The following EPB41L4A variants were observed in gnomAD, a reference collection of about 807,000 sequenced individuals.
EPB41L4A encodes band 4.1-like protein 4A.
In EPB41L4A, 100 loss-of-function variants were observed where a neutral mutation model predicts 108.6. The ratio of observed to expected loss-of-function variants is 0.92; its 90% CI spans 0.78 to 1.09. The LOEUF (loss-of-function observed/expected upper bound fraction) is 1.09. Ranked by LOEUF, EPB41L4A falls within the 50% of genes least tolerant of loss-of-function variation. EPB41L4A has a pLI of 0.00. For synonymous variants in EPB41L4A, 319 were observed against 289.0 expected (o/e 1.10, Z -1.05); for missense variants, 1,030 against 842.7 (o/e 1.22, Z -2.75).
At chr5:112,409,937 T>A (rs575180483) in intron 1 of EPB41L4A, among the ~76,000 whole-genome samples, 3 of 152,182 alleles carry the variant, frequency 2.0e-5, no homozygotes, top group African/African-American at 7.2e-5. Flanking sequence ...CAAAAGCCTA[T>A]GCCCTCTTCA....
Position 112,267,457 on chromosome 5 carries a change from C to T in EPB41L4A, c.336-1127G>A, listed in dbSNP as rs543357892. Among the ~76,000 whole-genome samples, 31 of 152,294 alleles carry T rather than the reference C, an allele frequency of 2.0e-4. No homozygotes were observed. In the South Asian group the frequency reaches 6.4e-3, roughly 32 times the overall value. On this transcript the variant is annotated intron_variant, in intron 4 of 22. Coordinates refer to ENST00000261486, the MANE Select transcript of EPB41L4A (RefSeq NM_022140.5). The stretch of plus-strand genomic sequence containing the variant: ...AGATTGGCATCAACTTTTATTGCAA[C>T]CATATGTTTCAGAGAAAATTTGCTC...
chr5:112,163,729 ATC>A lies in EPB41L4A; in HGVS notation c.*1259_*1260del, dbSNP rs1188194277. The A allele has an allele frequency of 6.6e-6, 1 of 152,168 alleles. No individual in the cohort carries two copies. The highest frequency in any genetic ancestry group is 1.5e-5 in the Non-Finnish European group (1 of 68,050). 9.4% of individuals were successfully genotyped at this position (152,168 alleles called of 1,614,324 possible). A position where few individuals can be genotyped will look rare whatever the true frequency, so the allele number is the denominator to read the frequency against. On this transcript the variant is annotated 3_prime_UTR_variant, in exon 23 of 23. Coordinates refer to ENST00000261486, the MANE Select transcript of EPB41L4A (RefSeq NM_022140.5). ...AAAACTGGCTGAGAATGAGAGGAAA[ATC>A]TTAGTTGCTTGGCGGGAGGGGGTTT...
chr5:112,198,153 C>A (rs1187981705), intron 15 of EPB41L4A, among the ~76,000 whole-genome samples: 1 of 152,112 alleles, frequency 6.6e-6, no homozygotes, highest in Admixed American at 6.5e-5. Context: ...CCTGCCTCAG[C>A]CTCCACCAGT....
chr5:112,217,284 C>A (rs1217052822), intron 12 of EPB41L4A, among the ~76,000 whole-genome samples: 1 of 152,154 alleles, frequency 6.6e-6, no homozygotes, highest in African/African-American at 2.4e-5. Context: ...TCATTAAATT[C>A]TATAAAGCAA....
At chr5:112,306,640 G>C (rs1414853562) in intron 2 of EPB41L4A, among the ~76,000 whole-genome samples, 1 of 152,174 alleles carries the variant, frequency 6.6e-6, no homozygotes, top group African/African-American at 2.4e-5. Context: ...GTATTTCTGA[G>C]ATAAGCATGT....
chr5:112,397,109 C>A (rs1177369420), intron 1 of EPB41L4A, among the ~76,000 whole-genome samples: 1 of 152,054 alleles, frequency 6.6e-6, no homozygotes, highest in Admixed American at 6.6e-5. Flanking sequence ...CTTTTGGAGT[C>A]CCCAGTGTCT....
At chr5:112,418,496 T>G (rs956923578) in intron 1 of EPB41L4A, among the ~76,000 whole-genome samples, 1 of 151,804 alleles carries the variant, frequency 6.6e-6, no homozygotes, top group Non-Finnish European at 1.5e-5. Flanking sequence ...AATGACCCAT[T>G]AATGCGTTTC....
Position 112,170,447 on chromosome 5 carries a change from T to A in EPB41L4A, c.1671-78A>T, listed in dbSNP as rs1259995150. The stretch of plus-strand genomic sequence containing the variant: ...GTATCTTTCACAATCGGCAGGTGAG[T>A]TTTCCCTTTCTAATCTTGTCCCAAA... On this transcript the variant is annotated intron_variant, in intron 19 of 22. Coordinates refer to ENST00000261486, the MANE Select transcript of EPB41L4A (RefSeq NM_022140.5). 4 of 941,510 alleles carry A rather than the reference T, an allele frequency of 4.2e-6. No homozygotes were observed. In the African/African-American group the frequency reaches 6.6e-5, roughly 16 times the overall value. 58.3% of individuals were successfully genotyped at this position (941,510 alleles called of 1,614,324 possible). A position where few individuals can be genotyped will look rare whatever the true frequency, so the allele number is the denominator to read the frequency against.
intron 15 of EPB41L4A, among the ~76,000 whole-genome samples, chr5:112,201,584 AC>A (rs1253446767): frequency 6.6e-6 from 1 of 152,220 alleles, no homozygotes; most frequent in Admixed American, 6.5e-5. Context: ...GACAAATTGC[AC>A]TAATTAATTA....
chr5:112,319,782 C>A (rs1284309885), intron 1 of EPB41L4A, among the ~76,000 whole-genome samples: 1 of 152,074 alleles, frequency 6.6e-6, no homozygotes, highest in Admixed American at 6.6e-5. Context: ...CAAAGGACAA[C>A]CAACATTTGC....
At chr5:112,319,268 C>CA (rs944277017) in intron 1 of EPB41L4A, among the ~76,000 whole-genome samples, 6 of 151,006 alleles carry the variant, frequency 4.0e-5, no homozygotes, top group Non-Finnish European at 7.4e-5. Context: ...TGAACAACAA[C>CA]AAAAAAAATG....
downstream of EPB41L4A, chr5:112,158,507 A>C: frequency 3.1e-6 from 1 of 322,450 alleles, no homozygotes; most frequent in South Asian, 2.7e-5. Context: ...CCCCAGTCCA[A>C]GAAAATTTCC....
intron 1 of EPB41L4A, among the ~76,000 whole-genome samples, chr5:112,404,284 C>T (rs1285133470): frequency 2.0e-5 from 3 of 152,206 alleles, no homozygotes; most frequent in African/African-American, 4.8e-5. Flanking sequence ...CTTACATGTA[C>T]TATTTAATTC....
chr5:112,273,488 T>A (rs1752411837), intron 4 of EPB41L4A, among the ~76,000 whole-genome samples: 1 of 152,198 alleles, frequency 6.6e-6, no homozygotes, highest in South Asian at 2.1e-4. Flanking sequence ...TCAAGTATTT[T>A]TGGACCCTAA....
rs565990291 is a variant in EPB41L4A at position 112,293,276 on chromosome 5, G to T, written c.205-12953C>A. The stretch of plus-strand genomic sequence containing the variant: ...ACAGGTTTGTTATACAGGTAATCTC[G>T]TGTCATGAGGGTCTGCTGCACTGAT... On this transcript the variant is annotated intron_variant, in intron 2 of 22. Transcript: ENST00000261486. Among the ~76,000 whole-genome samples the T allele has an allele frequency of 4.6e-5, 7 of 151,804 alleles. No individual in the cohort carries two copies. In the East Asian group the frequency reaches 1.4e-3, roughly 29 times the overall value.
In EPB41L4A at chr5:112,164,524, T is replaced by A. The variant is rs1017335260; in HGVS notation, c.*466A>T. Reference sequence around the variant, plus strand: ...TTTTACAAAATACTTATTCTTCCAGTTAAAACAAAAAGGTCCTTCAGCACA... The same window carrying A: ...TTTTACAAAATACTTATTCTTCCAGATAAAACAAAAAGGTCCTTCAGCACA... On this transcript the variant is annotated 3_prime_UTR_variant, in exon 23 of 23. Coordinates refer to ENST00000261486, the MANE Select transcript of EPB41L4A (RefSeq NM_022140.5). 1 of 150,146 alleles carries A rather than the reference T, an allele frequency of 6.7e-6. No individual in the cohort carries two copies. The highest frequency in any genetic ancestry group is 1.5e-5 in the Non-Finnish European group (1 of 68,052). The allele number at this position is 150,146 out of a possible 1,614,324, so 9.3% of individuals were successfully genotyped here. A position where few individuals can be genotyped will look rare whatever the true frequency, so the allele number is the denominator to read the frequency against.
rs538729529 is a variant in EPB41L4A at position 112,168,663 on chromosome 5, G to A, written c.1932+76C>T. ...CATTGCCTGCCCTACCTCCCTAAAG[G>A]AACTTTCCAAAGCACAAAATGCTTC... On this transcript the variant is annotated intron_variant, in intron 22 of 22. Coordinates refer to ENST00000261486, the MANE Select transcript of EPB41L4A (RefSeq NM_022140.5). The A allele has an allele frequency of 4.2e-6, 5 of 1,176,970 alleles. No individual in the cohort carries two copies. The South Asian group carries it at 6.5e-5, about 15-fold the overall frequency. The allele number at this position is 1,176,970 out of a possible 1,614,324, so 72.9% of individuals were successfully genotyped here. A position where few individuals can be genotyped will look rare whatever the true frequency, so the allele number is the denominator to read the frequency against.
chr5:112,176,871 C>G (rs1037950514), intron 18 of EPB41L4A, among the ~76,000 whole-genome samples: 13 of 150,924 alleles, frequency 8.6e-5, no homozygotes, highest in African/African-American at 2.4e-4. Flanking sequence ...TCTCCTGACC[C>G]AGCCTCCCAA....
At chr5:112,288,844 T>C (rs566205209) in intron 2 of EPB41L4A, among the ~76,000 whole-genome samples, 1 of 151,702 alleles carries the variant, frequency 6.6e-6, no homozygotes, top group South Asian at 2.1e-4. Flanking sequence ...TTTTTTTTTT[T>C]TATGATGGAG....
Sources: allele counts gnomAD v4.1 joint callset (sites outside exome capture counted in the v4.1 genomes callset), GRCh38; gene constraint gnomAD v4.1.1; transcripts MANE v1.5; gene names NCBI Gene and HGNC (gene_info 2026-07-23, HGNC 2026-07-21).